The following ALX1 variants were observed in gnomAD, a reference collection of about 807,000 sequenced individuals.
ALX1 encodes ALX homeobox protein 1.
In ALX1, 19 loss-of-function variants were observed where a neutral mutation model predicts 31.7. The observed-to-expected ratio is 0.60, with a 90% CI of 0.42 to 0.88. ALX1 has a LOEUF of 0.88. Ranked by LOEUF, ALX1 falls within the 40% of genes least tolerant of loss-of-function variation. The pLI, the probability that ALX1 is intolerant of heterozygous loss-of-function variation, is 0.00. For missense variants in ALX1, 415 were observed against 407.8 expected, an observed-to-expected ratio of 1.02 and a Z score of -0.15; for synonymous variants, 153 against 148.8, an observed-to-expected ratio of 1.03 and a Z score of -0.20.
rs150692244 is a variant in ALX1, at chr12:85,280,410, T to C, written c.149T>C (p.Val50Ala). Residue 50 changes from valine (V) to alanine (A), a missense_variant, in exon 1 of 4, where the codon GTG (valine) becomes GCG (alanine). Transcript: ENST00000316824. ...FYSKASAGKC[V>A]QAFGPLPRAE... ...AGCAAAGCGTCTGCAGGCAAATGCG[T>C]GCAGGCCTTCGGACCCCTGCCCCGC... 40 of 1,613,226 alleles carry C rather than the reference T, an allele frequency of 2.5e-5. No individual in the cohort carries two copies. The highest frequency in any genetic ancestry group is 1.8e-4 in the East Asian group (8 of 44,860).
intron 3 of ALX1, among the ~76,000 whole-genome samples, chr12:85,299,589 C>G (rs1565944041): frequency 6.6e-6 from 1 of 151,616 alleles, no homozygotes; most frequent in Non-Finnish European, 1.5e-5. Context: ...TTTAAGACAA[C>G]CCAGATATGT....
intron 3 of ALX1, among the ~76,000 whole-genome samples, chr12:85,296,924 T>A (rs908552581): frequency 1.3e-5 from 2 of 151,692 alleles, no homozygotes; most frequent in African/African-American, 4.8e-5. Flanking sequence ...ATTAATATTT[T>A]TTTACTTCCA....
At chr12:85,281,086 T>A (rs1030646338) in intron 1 of ALX1, among the ~76,000 whole-genome samples, 32 of 152,322 alleles carry the variant, frequency 2.1e-4, no homozygotes, top group Non-Finnish European at 8.8e-5. Context: ...TTTCTGCTTT[T>A]TTTTGCGTTT....
rs1896652150 is a variant in ALX1 at position 85,280,397 on chromosome 12, G to C, written c.136G>C (p.Ala46Pro). ...TGAGTCCTTTTACAGCAAAGCGTCT[G>C]CAGGCAAATGCGTGCAGGCCTTCGG... is the stretch of plus-strand genomic sequence containing the variant. The part of the protein sequence containing the change: ...DNESFYSKAS[A>P]GKCVQAFGPL... Residue 46 changes from alanine (A) to proline (P), a missense_variant, in exon 1 of 4, where the codon GCA (alanine) becomes CCA (proline). Physicochemically the swap from Ala to Pro is conservative, Grantham distance 27. Transcript: ENST00000316824. 1 of 1,613,606 alleles carries C rather than the reference G, an allele frequency of 6.2e-7. No individual in the cohort carries two copies. The highest frequency in any genetic ancestry group is 1.3e-5 in the African/African-American group (1 of 74,922).
intron 3 of ALX1, among the ~76,000 whole-genome samples, chr12:85,290,767 T>G (rs1896807927): frequency 6.6e-6 from 1 of 151,076 alleles, no homozygotes; most frequent in Non-Finnish European, 1.5e-5. Context: ...TTGGGATGAA[T>G]TTGTTTCCTC....
chr12:85,283,995 C>A (rs568224279), intron 2 of ALX1, 119 bp downstream of exon 2: 7 of 1,146,792 alleles, frequency 6.1e-6, no homozygotes, highest in South Asian at 1.3e-5. Flanking sequence ...AGATGAGAAA[C>A]GGAGTAATAT....
intron 1 of ALX1, among the ~76,000 whole-genome samples, chr12:85,281,723 G>A (rs1412465933): frequency 6.6e-6 from 1 of 152,174 alleles, no homozygotes; most frequent in Non-Finnish European, 1.5e-5. Context: ...TATTTAGAAA[G>A]ATTCGAGCGT....
rs1222363566 is a variant in ALX1 at position 85,286,967 on chromosome 12, G to A, written c.646G>A (p.Asp216Asn). 2 of 1,612,038 alleles carry A rather than the reference G, an allele frequency of 1.2e-6. No homozygotes were observed. Among genetic ancestry groups the A allele is most frequent in the Middle Eastern group, 1.7e-4 (1 of 6,052 alleles). The change falls in exon 3 of 4, where the codon GAC becomes AAC. Residue 216 changes from aspartate to asparagine, a missense_variant. Asp to Asn is a conservative substitution (Grantham distance 23, BLOSUM62 1). Transcript: ENST00000316824. ...TGATATATCAGTTTTGCCAAGGACT[G>A]ACAGCTACCCACAGGTATGCTAAAC... is the stretch of plus-strand genomic sequence containing the variant. ...TYDISVLPRT[D>N]SYPQIQNNLW...
intron 3 of ALX1, among the ~76,000 whole-genome samples, chr12:85,300,317 A>C (rs981336102): frequency 6.6e-6 from 1 of 152,002 alleles, no homozygotes; most frequent in African/African-American, 2.4e-5. Flanking sequence ...CGAAGTGTGA[A>C]TATCTCGGGT....
intron 3 of ALX1, among the ~76,000 whole-genome samples, chr12:85,289,527 A>G (rs1311416747): frequency 6.6e-6 from 1 of 151,220 alleles, no homozygotes; most frequent in Non-Finnish European, 1.5e-5. Context: ...TGTTGCACTA[A>G]TTATTCCTCA....
intron 1 of ALX1, among the ~76,000 whole-genome samples, 157 bp downstream of exon 1, chr12:85,280,644 G>T (rs1039972488): frequency 6.6e-6 from 1 of 152,174 alleles, no homozygotes; most frequent in Non-Finnish European, 1.5e-5. Flanking sequence ...TTTATGAAGC[G>T]GTGTTACTGC....
At chr12:85,291,750 T>C (rs770300345) in intron 3 of ALX1, among the ~76,000 whole-genome samples, 18 of 151,046 alleles carry the variant, frequency 1.2e-4, no homozygotes, top group Non-Finnish European at 2.1e-4. Context: ...AAGACGATGA[T>C]GGTTTTTCTG....
rs773047636 is a variant in ALX1 at position 85,301,191 on chromosome 12, G to T, written c.697G>T (p.Gly233Cys). ...NNLWAGNASG[G>C]SVVTSCMLPR... ...TTTGTGGGCAGGAAATGCAAGTGGT[G>T]GTTCTGTGGTTACTTCATGCATGTT... is the stretch of plus-strand genomic sequence containing the variant. The change falls in exon 4 of 4, where the codon GGT becomes TGT. Residue 233 changes from glycine to cysteine, a missense_variant. By Grantham distance (159) the Gly-to-Cys change is radical (BLOSUM62 -3). Transcript: ENST00000316824. 237 of 1,613,826 alleles carry T rather than the reference G, an allele frequency of 1.5e-4. No homozygotes were observed. The highest frequency in any genetic ancestry group is 2.0e-4 in the Non-Finnish European group (231 of 1,179,918).
chr12:85,297,671 T>A (rs183685577), intron 3 of ALX1, among the ~76,000 whole-genome samples: 38 of 151,714 alleles, frequency 2.5e-4, no homozygotes, highest in African/African-American at 8.2e-4. Context: ...TTTCCTAATT[T>A]CAATTGATTT....
In ALX1 at chr12:85,280,247, C is replaced by G. The variant is rs759478419; in HGVS notation, c.-15C>G. 6.2e-7 allele frequency: 1 copy of G among 1,611,732 alleles called. No homozygotes were observed. Among genetic ancestry groups the G allele is most frequent in the South Asian group, 1.1e-5 (1 of 91,064 alleles). The stretch of plus-strand genomic sequence containing the variant: ...TTTCTGTGCCCCAGGAGCTACGCGA[C>G]AGTCTTCCAGGATTATGGAGTTTCT... On this transcript the variant is annotated 5_prime_UTR_variant, in exon 1 of 4. Coordinates refer to ENST00000316824, the MANE Select transcript of ALX1 (RefSeq NM_006982.3).
In ALX1 at chr12:85,283,764, C is replaced by A; in HGVS notation, c.419C>A (p.Thr140Asn). ...SKKRRHRTTF[T>N]SLQLEELEKV... Reference sequence around the variant, plus strand: ...AAACGGAGGCACCGAACCACCTTCACCAGTTTGCAGCTAGAGGAGCTGGAG... The same window carrying A: ...AAACGGAGGCACCGAACCACCTTCAACAGTTTGCAGCTAGAGGAGCTGGAG... The change falls in exon 2 of 4, where the codon ACC becomes AAC. Residue 140 changes from threonine to asparagine, a missense_variant. Around this residue, in one of 3 missense-constraint regions of ALX1, gnomAD observed 235 missense variants for 208.9 expected, o/e 1.13. Coordinates refer to ENST00000316824, the MANE Select transcript of ALX1 (RefSeq NM_006982.3). 6.2e-7 allele frequency: 1 copy of A among 1,614,120 alleles called. No individual in the cohort carries two copies. Among genetic ancestry groups the A allele is most frequent in the Non-Finnish European group, 8.5e-7 (1 of 1,180,008 alleles).
chr12:85,281,547 T>G (rs1045385389), intron 1 of ALX1, among the ~76,000 whole-genome samples: 1 of 152,210 alleles, frequency 6.6e-6, no homozygotes, highest in Non-Finnish European at 1.5e-5. Flanking sequence ...AACACTGGCC[T>G]GTAGAAGCTC....
chr12:85,289,859 GT>G (rs567167621), intron 3 of ALX1, among the ~76,000 whole-genome samples: 3 of 150,840 alleles, frequency 2.0e-5, no homozygotes, highest in African/African-American at 7.3e-5. Flanking sequence ...TAAATGAAAT[GT>G]TTTTTTTATC....
Position 85,301,298 on chromosome 12 carries a change from C to T in ALX1, c.804C>T (p.His268=), listed in dbSNP as rs745798403. 1.9e-6 allele frequency: 3 copies of T among 1,613,978 alleles called. No individual in the cohort carries two copies. The highest frequency in any genetic ancestry group is 2.5e-6 in the Non-Finnish European group (3 of 1,179,974). The part of the protein sequence containing the change: ...TDSSYTGFSN[H]QNQFSHVPLN... ...CCAGTTACACGGGGTTTTCAAACCACCAGAACCAGTTCAGCCACGTGCCCC... is the reference window on the plus strand; with the variant it reads ...CCAGTTACACGGGGTTTTCAAACCATCAGAACCAGTTCAGCCACGTGCCCC... The change falls in exon 4 of 4, where the codon CAC becomes CAT. Residue 268 remains histidine (H), a synonymous_variant. Transcript: ENST00000316824.
Sources: gnomAD v4.1 joint callset for allele counts (sites outside exome capture counted in the v4.1 genomes callset) on GRCh38, gnomAD v4.1.1 for gene constraint, gnomAD v4.1.1 regional missense constraint, MANE v1.5 for transcripts, NCBI Gene and HGNC (gene_info 2026-07-23, HGNC 2026-07-21) for gene names.